VWA8: variants seen among roughly 807,000 people sequenced by gnomAD.
The protein encoded by VWA8 is von Willebrand factor A domain containing 8.
VWA8 carries 221 observed loss-of-function variants against 241.5 expected under a neutral mutation model. That is an observed-to-expected ratio of 0.91 (90% CI 0.82 to 1.02). The LOEUF (loss-of-function observed/expected upper bound fraction) is 1.02, where lower values mean the gene tolerates loss of function less well. Among genes scored for constraint, VWA8 ranks in the 50% least tolerant of loss-of-function variants. The pLI is 0.00. For synonymous variants in VWA8, 852 were observed against 827.1 expected (o/e 1.03, Z -0.52); for missense variants, 2,322 against 2,328.7 (o/e 1.00, Z 0.06).
intron 2 of VWA8, among the ~76,000 whole-genome samples, chr13:41,918,408 G>T (rs1207534454): frequency 6.6e-6 from 1 of 152,134 alleles, no homozygotes; most frequent in East Asian, 1.9e-4. Context: ...CATATTCAAT[G>T]ACTAAGTGTC....
chr13:41,805,856 T>C (rs1870170312), intron 17 of VWA8, among the ~76,000 whole-genome samples: 1 of 151,916 alleles, frequency 6.6e-6, no homozygotes, highest in Non-Finnish European at 1.5e-5. Flanking sequence ...GGACTTAATC[T>C]GCACTACAGA....
intron 9 of VWA8, 48 bp downstream of exon 9, chr13:41,883,339 G>T: frequency 6.8e-7 from 1 of 1,481,374 alleles, no homozygotes; most frequent in Non-Finnish European, 9.4e-7. Flanking sequence ...AAAGGCAAGG[G>T]AAGGGAAAAT....
chr13:41,682,314 T>C (rs972535725), intron 35 of VWA8, among the ~76,000 whole-genome samples: 1 of 152,124 alleles, frequency 6.6e-6, no homozygotes, highest in Non-Finnish European at 1.5e-5. Flanking sequence ...GCTGGAACAA[T>C]TGAATATCCC....
intron 16 of VWA8, among the ~76,000 whole-genome samples, chr13:41,812,373 C>T (rs1300677497): frequency 2.0e-5 from 3 of 152,098 alleles, no homozygotes; most frequent in Non-Finnish European, 1.5e-5. Context: ...TCACTGAAAA[C>T]CACAGGACAG....
At chr13:41,837,951 G>A (rs1026782500) in intron 12 of VWA8, among the ~76,000 whole-genome samples, 10 of 151,912 alleles carry the variant, frequency 6.6e-5, no homozygotes. Flanking sequence ...AATTCCTTTA[G>A]GTCTACCACT....
chr13:41,782,134 C>T (rs374417406), intron 19 of VWA8, among the ~76,000 whole-genome samples: 2 of 152,288 alleles, frequency 1.3e-5, no homozygotes, highest in East Asian at 1.9e-4. Flanking sequence ...AGAGAAGGTA[C>T]GTTTGGAGAC....
At chr13:41,897,790 A>G (rs1593853845) in intron 4 of VWA8, among the ~76,000 whole-genome samples, 1 of 152,062 alleles carries the variant, frequency 6.6e-6, no homozygotes, top group African/African-American at 2.4e-5. Context: ...CAGTAGCAAG[A>G]TTTATTGCAA....
chr13:41,861,634 G>T (rs1873011150), intron 12 of VWA8, among the ~76,000 whole-genome samples: 1 of 152,116 alleles, frequency 6.6e-6, no homozygotes, highest in African/African-American at 2.4e-5. Flanking sequence ...AAAATAAGTA[G>T]CATTTGTATA....
At chr13:41,584,687 G>C (rs536581057) in intron 42 of VWA8, among the ~76,000 whole-genome samples, 33 of 152,236 alleles carry the variant, frequency 2.2e-4, no homozygotes, top group African/African-American at 7.7e-4. Flanking sequence ...TGTCTTCAAG[G>C]CCTGAAAAAT....
At chr13:41,762,492 A>G (rs544064248) in intron 20 of VWA8, among the ~76,000 whole-genome samples, 2 of 152,256 alleles carry the variant, frequency 1.3e-5, no homozygotes, top group East Asian at 3.9e-4. Context: ...GCTCATAATT[A>G]TAGTCCCTGC....
At chr13:41,624,098 T>C (rs11843239) in intron 37 of VWA8, among the ~76,000 whole-genome samples, 5 of 152,038 alleles carry the variant, frequency 3.3e-5, no homozygotes, top group African/African-American at 1.2e-4. Context: ...CTTAGAAACA[T>C]ACAACCTCAC....
At chr13:41,574,339 CA>C (rs2044337420) in intron 43 of VWA8, among the ~76,000 whole-genome samples, 2 of 152,230 alleles carry the variant, frequency 1.3e-5, no homozygotes, top group South Asian at 4.2e-4. Flanking sequence ...TGCACACACA[CA>C]AAACCCTAGG....
At chr13:41,649,902 C>T (rs1418052705) in intron 37 of VWA8, among the ~76,000 whole-genome samples, 1 of 152,168 alleles carries the variant, frequency 6.6e-6, no homozygotes, top group African/African-American at 2.4e-5. Context: ...ATCACTGCAA[C>T]ACGTGTTGTG....
At chr13:41,863,455 T>TACA (rs1566485517) in intron 12 of VWA8, among the ~76,000 whole-genome samples, 884 of 87,140 alleles carry the variant, frequency 0.01, 38 homozygotes, top group African/African-American at 0.036. Context: ...ATATATATAT[T>TACA]CACACACACA....
At chr13:41,655,240 C>T (rs1210957370) in intron 37 of VWA8, among the ~76,000 whole-genome samples, 2 of 152,082 alleles carry the variant, frequency 1.3e-5, no homozygotes, top group Non-Finnish European at 2.9e-5. Flanking sequence ...CAGGCATGTG[C>T]TACCATGCTC....
intron 4 of VWA8, among the ~76,000 whole-genome samples, chr13:41,898,978 C>T (rs967580694): frequency 2.0e-5 from 3 of 152,246 alleles, no homozygotes; most frequent in African/African-American, 4.8e-5. Flanking sequence ...CACCTCCCTG[C>T]AAGCTGAGGG....
intron 21 of VWA8, among the ~76,000 whole-genome samples, chr13:41,752,141 T>C (rs1482407728): frequency 1.3e-5 from 2 of 152,328 alleles, no homozygotes; most frequent in East Asian, 3.9e-4. Context: ...TGTCAATATG[T>C]TTGCTCAGCA....
intron 20 of VWA8, among the ~76,000 whole-genome samples, chr13:41,770,304 G>C (rs999915803): frequency 6.6e-6 from 1 of 152,044 alleles, no homozygotes; most frequent in African/African-American, 2.4e-5. Flanking sequence ...AGCCAGGCGC[G>C]GTGGCGGGCG....
chr13:41,699,070 C>T lies in VWA8; in HGVS notation c.3564+1G>A. On this transcript the variant is annotated splice_donor_variant, in intron 29 of 44. Coordinates refer to ENST00000379310, the MANE Select transcript of VWA8 (RefSeq NM_015058.2). LOFTEE classifies it high-confidence loss of function. ...CATAATTGTAGCCTGGTGTGCATTACCTGCTGCTCATGGAGAACCACTTGA... is the reference window on the plus strand; with the variant it reads ...CATAATTGTAGCCTGGTGTGCATTATCTGCTGCTCATGGAGAACCACTTGA... 2 of 1,613,888 alleles carry T rather than the reference C, an allele frequency of 1.2e-6. No individual in the cohort carries two copies. Among genetic ancestry groups the T allele is most frequent in the Non-Finnish European group, 1.7e-6 (2 of 1,179,832 alleles).
Sources: allele counts gnomAD v4.1 joint callset (sites outside exome capture counted in the v4.1 genomes callset), GRCh38; gene constraint gnomAD v4.1.1; transcripts MANE v1.5; gene names NCBI Gene and HGNC (gene_info 2026-07-23, HGNC 2026-07-21).